The following CPS1 variants were observed in gnomAD, a reference collection of about 807,000 sequenced individuals.
CPS1 encodes the protein carbamoyl-phosphate synthase [ammonia], mitochondrial.
A neutral mutation model predicts 174.6 loss-of-function variants in CPS1; 109 were observed. The ratio of observed to expected loss-of-function variants is 0.62; its 90% CI spans 0.53 to 0.73. CPS1 has a LOEUF of 0.73. Among genes scored for constraint, CPS1 ranks in the 30% least tolerant of loss-of-function variants. The probability of loss-of-function intolerance (pLI) is 0.00; values close to 1 mark genes in which losing one functional copy is unlikely to be tolerated. For synonymous variants in CPS1, 637 were observed against 632.0 expected (o/e 1.01, Z -0.12); for missense variants, 1,689 against 1,821.9 (o/e 0.93, Z 1.33).
intron 21 of CPS1, among the ~76,000 whole-genome samples, chr2:210,630,903 C>T (rs1020872265): frequency 6.6e-6 from 1 of 151,918 alleles, no homozygotes; most frequent in Non-Finnish European, 1.5e-5. Context: ...GTAAAAAACT[C>T]AAGAGAGAGG....
chr2:210,592,917 G>A lies in CPS1; in HGVS notation c.1125G>A (p.Gln375=), dbSNP rs1051336644. The change falls in exon 11 of 38, where the codon CAG becomes CAA. Residue 375 remains glutamine (Q), a synonymous_variant. Coordinates refer to ENST00000233072, the MANE Select transcript of CPS1 (RefSeq NM_001875.5). ...MHESKPFFAV[Q]FHPEVTPGPI... Reference sequence around the variant, plus strand: ...AGAGCAAACCCTTCTTCGCTGTGCAGTTCCACCCAGAGGTCACCCCGGGGC... The same window carrying A: ...AGAGCAAACCCTTCTTCGCTGTGCAATTCCACCCAGAGGTCACCCCGGGGC... 6.2e-7 allele frequency: 1 copy of A among 1,612,212 alleles called. No homozygotes were observed. The highest frequency in any genetic ancestry group is 1.1e-5 in the South Asian group (1 of 91,040).
chr2:210,599,296 T>C, intron 13 of CPS1, 76 bp from the exon 14 acceptor site: 1 of 1,367,552 alleles, frequency 7.3e-7, no homozygotes, highest in South Asian at 1.2e-5. Flanking sequence ...AGTTACCCCA[T>C]GTCTTTTTAT....
intron 1 of CPS1, among the ~76,000 whole-genome samples, chr2:210,508,487 A>G (rs1047087342): frequency 3.1e-4 from 47 of 152,126 alleles, no homozygotes; most frequent in African/African-American, 9.9e-4. Context: ...GCAAGAGCAA[A>G]CACATTTAAA....
intron 17 of CPS1, among the ~76,000 whole-genome samples, chr2:210,606,482 T>C (rs1698914409): frequency 6.6e-6 from 1 of 151,814 alleles, no homozygotes; most frequent in African/African-American, 2.4e-5. Flanking sequence ...ATCTAGTAAG[T>C]AGACGATTGA....
intron 1 of CPS1, among the ~76,000 whole-genome samples, chr2:210,543,716 T>C (rs1228362846): frequency 6.6e-6 from 1 of 152,146 alleles, no homozygotes; most frequent in Non-Finnish European, 1.5e-5. Flanking sequence ...TTTATATTTC[T>C]TTAGCATCTC....
chr2:210,677,780 A>G (rs1559142543), intron 37 of CPS1, 107 bp from the exon 38 acceptor site: 20 of 908,260 alleles, frequency 2.2e-5, no homozygotes, highest in Non-Finnish European at 3.7e-5. Context: ...CTTTTATCCC[A>G]TACCCCTTTG....
chr2:210,653,262 T>C (rs898504596), intron 28 of CPS1, among the ~76,000 whole-genome samples: 46 of 152,150 alleles, frequency 3.0e-4, no homozygotes, highest in African/African-American at 1.1e-3. Flanking sequence ...GGAGAAGATA[T>C]CTAAACCCTG....
chr2:210,591,972 A>C lies in CPS1; in HGVS notation c.1086+3A>C. The C allele has an allele frequency of 6.2e-7, 1 of 1,610,494 alleles. No individual in the cohort carries two copies. The highest frequency in any genetic ancestry group is 8.5e-7 in the Non-Finnish European group (1 of 1,178,436). Reference sequence around the variant, plus strand: ...ATGTCAACGATCAAACAAATGAGGTAAATGATGTCAATAAACCTGTTCAGT... The same window carrying C: ...ATGTCAACGATCAAACAAATGAGGTCAATGATGTCAATAAACCTGTTCAGT... On this transcript the variant is annotated splice_donor_region_variant and intron_variant, in intron 10 of 37. Transcript: ENST00000233072.
intron 1 of CPS1, among the ~76,000 whole-genome samples, chr2:210,550,283 C>T (rs1423892964): frequency 6.6e-6 from 1 of 151,860 alleles, no homozygotes; most frequent in African/African-American, 2.4e-5. Context: ...TGCTACCTCC[C>T]ACTCATGTAT....
chr2:210,582,757 G>A (rs780411853), intron 6 of CPS1, 48 bp downstream of exon 6: 1 of 1,369,744 alleles, frequency 7.3e-7, no homozygotes, highest in African/African-American at 1.4e-5. Context: ...ATCCCATTTA[G>A]ACCTTCTTGA....
At chr2:210,628,361 G>A (rs4673539) in intron 21 of CPS1, among the ~76,000 whole-genome samples, 2,651 of 152,214 alleles carry the variant, frequency 0.017, 180 homozygotes, top group Admixed American at 0.13. Context: ...AATATGACAT[G>A]TCACCAGGAA....
chr2:210,497,800 C>A (rs1196918734), intron 1 of CPS1, among the ~76,000 whole-genome samples: 6 of 150,864 alleles, frequency 4.0e-5, no homozygotes, highest in Non-Finnish European at 8.9e-5. Context: ...CCATTAAAGG[C>A]ACCTAGGTTG....
chr2:210,674,171 T>A (rs1207288659), intron 34 of CPS1: 1 of 152,070 alleles, frequency 6.6e-6, no homozygotes, highest in African/African-American at 2.4e-5. Context: ...AAATTAGAAC[T>A]TAGAAATAAG....
chr2:210,487,371 A>T (rs1295423406), intron 1 of CPS1, among the ~76,000 whole-genome samples: 1 of 152,236 alleles, frequency 6.6e-6, no homozygotes, highest in Non-Finnish European at 1.5e-5. Context: ...TACAAATGAT[A>T]GATGGACCTT....
chr2:210,485,206 T>C (rs1482612812), intron 1 of CPS1, among the ~76,000 whole-genome samples: 1 of 147,572 alleles, frequency 6.8e-6, no homozygotes, highest in East Asian at 2.0e-4. Flanking sequence ...CACTCCAGCC[T>C]GGGTGACAGA....
At chr2:210,658,398 T>A in intron 30 of CPS1, 1 of 527,586 alleles carries the variant, frequency 1.9e-6, no homozygotes, top group Admixed American at 3.1e-5. Context: ...CTTTTCCTAT[T>A]ATTTTGTGTG....
At chr2:210,583,509 T>C (rs1355988103) in intron 6 of CPS1, among the ~76,000 whole-genome samples, 1 of 152,066 alleles carries the variant, frequency 6.6e-6, no homozygotes, top group African/African-American at 2.4e-5. Context: ...CCTGTAGAAA[T>C]GTGAGTCCTG....
intron 1 of CPS1, among the ~76,000 whole-genome samples, chr2:210,560,539 T>C (rs1373499975): frequency 2.0e-5 from 3 of 152,152 alleles, no homozygotes; most frequent in African/African-American, 7.2e-5. Flanking sequence ...GTGTTATAAT[T>C]AAGCTAGGAA....
intron 21 of CPS1, among the ~76,000 whole-genome samples, chr2:210,624,059 A>G (rs552873620): frequency 6.6e-6 from 1 of 152,288 alleles, no homozygotes; most frequent in South Asian, 2.1e-4. Flanking sequence ...TAATCACATT[A>G]TAATTTTTGT....
Sources: gnomAD v4.1 joint callset for allele counts (sites outside exome capture counted in the v4.1 genomes callset) on GRCh38, gnomAD v4.1.1 for gene constraint, MANE v1.5 for transcripts, NCBI Gene and HGNC (gene_info 2026-07-23, HGNC 2026-07-21) for gene names.